UNC5C: variants seen among roughly 807,000 people sequenced by gnomAD.
The protein encoded by UNC5C is unc-5 netrin receptor C.
Under a neutral mutation model 99.8 loss-of-function variants are expected in UNC5C, and 47 were observed. The ratio of observed to expected loss-of-function variants is 0.47; its 90% CI spans 0.37 to 0.60. UNC5C has a LOEUF of 0.60. Ranked by LOEUF, UNC5C falls within the 20% of genes least tolerant of loss-of-function variation. The pLI is 0.00. For synonymous variants in UNC5C, 487 were observed against 452.2 expected (o/e 1.08, Z -0.98); for missense variants, 1,062 against 1,165.9 (o/e 0.91, Z 1.30).
At chr4:95,332,721 G>T (rs950872671) in intron 2 of UNC5C, among the ~76,000 whole-genome samples, 2 of 149,228 alleles carry the variant, frequency 1.3e-5, no homozygotes, top group African/African-American at 2.4e-5. Flanking sequence ...ATTGACAAAT[G>T]GGATCTAATT....
chr4:95,349,043 G>A (rs1369722936), intron 1 of UNC5C, among the ~76,000 whole-genome samples: 2 of 151,510 alleles, frequency 1.3e-5, no homozygotes, highest in Non-Finnish European at 2.9e-5. Flanking sequence ...AAATGTATAA[G>A]ATCTAGTATT....
chr4:95,434,091 T>C (rs1055600370), intron 1 of UNC5C, among the ~76,000 whole-genome samples: 3 of 152,154 alleles, frequency 2.0e-5, no homozygotes, highest in Non-Finnish European at 2.9e-5. Flanking sequence ...TTGTTTAATG[T>C]CTGTGTGCTT....
chr4:95,486,162 C>T (rs1721322560), intron 1 of UNC5C, among the ~76,000 whole-genome samples: 1 of 151,578 alleles, frequency 6.6e-6, no homozygotes, highest in African/African-American at 2.4e-5. Flanking sequence ...TAAAATAAAA[C>T]ATATATTTTT....
intron 1 of UNC5C, among the ~76,000 whole-genome samples, chr4:95,415,705 T>G (rs1746142908): frequency 1.3e-5 from 2 of 152,120 alleles, no homozygotes; most frequent in African/African-American, 4.8e-5. Flanking sequence ...AACAACTTGA[T>G]GGTTAGCAAC....
chr4:95,227,041 G>A (rs1010570766), intron 7 of UNC5C, among the ~76,000 whole-genome samples: 7 of 152,068 alleles, frequency 4.6e-5, no homozygotes, highest in Non-Finnish European at 1.0e-4. Flanking sequence ...TATGAGGCTT[G>A]TTATCCCTGG....
chr4:95,454,920 A>C (rs1747386427), intron 1 of UNC5C, among the ~76,000 whole-genome samples: 1 of 152,128 alleles, frequency 6.6e-6, no homozygotes, highest in African/African-American at 2.4e-5. Flanking sequence ...TTAGATTATA[A>C]AAATTAAGTG....
At position 95,504,920 on chromosome 4, in the gene UNC5C, C is replaced by T. The variant is rs189108413; in HGVS notation, c.124+43814G>A. Reference sequence around the variant, plus strand: ...ATGATATTAATTTTTATTTTTTATACAATTGCTTTCATTAAAAAACTTCTA... The same window carrying T: ...ATGATATTAATTTTTATTTTTTATATAATTGCTTTCATTAAAAAACTTCTA... On this transcript the variant is annotated intron_variant, in intron 1 of 15. Transcript: ENST00000453304. 3.3e-5 allele frequency among the ~76,000 whole-genome samples: 5 copies of T among 151,962 alleles called. No homozygotes were observed. The South Asian group carries it at 1.0e-3, about 32-fold the overall frequency.
intron 1 of UNC5C, among the ~76,000 whole-genome samples, chr4:95,369,550 C>A (rs1324210674): frequency 6.6e-6 from 1 of 151,938 alleles, no homozygotes; most frequent in African/African-American, 2.4e-5. Flanking sequence ...AGTGAGATCG[C>A]ATCTCCAAAA....
At chr4:95,208,257 C>G (rs191255329) in intron 10 of UNC5C, among the ~76,000 whole-genome samples, 1 of 152,114 alleles carries the variant, frequency 6.6e-6, no homozygotes, top group Admixed American at 6.5e-5. Flanking sequence ...TTAGCAGGCT[C>G]CAGTTACATG....
At chr4:95,224,521 G>A (rs1166229210) in intron 7 of UNC5C, among the ~76,000 whole-genome samples, 1 of 152,156 alleles carries the variant, frequency 6.6e-6, no homozygotes, top group African/African-American at 2.4e-5. Flanking sequence ...CAAATATTAT[G>A]TAGATTTAAA....
At chr4:95,503,280 G>C (rs1385441627) in intron 1 of UNC5C, among the ~76,000 whole-genome samples, 1 of 152,050 alleles carries the variant, frequency 6.6e-6, no homozygotes, top group Non-Finnish European at 1.5e-5. Flanking sequence ...AACACAGCAA[G>C]AAGGCCCTAG....
intron 10 of UNC5C, among the ~76,000 whole-genome samples, chr4:95,210,222 AG>A (rs760733775): frequency 6.6e-6 from 1 of 152,202 alleles, no homozygotes; most frequent in Non-Finnish European, 1.5e-5. Flanking sequence ...AGGTGTCAAA[AG>A]AATTTATTAA....
At chr4:95,539,961 A>G (rs1722875109) in intron 1 of UNC5C, among the ~76,000 whole-genome samples, 1 of 151,900 alleles carries the variant, frequency 6.6e-6, no homozygotes, top group Non-Finnish European at 1.5e-5. Flanking sequence ...TAAATAAACT[A>G]TAATATTTTT....
At chr4:95,537,562 C>T (rs1258706821) in intron 1 of UNC5C, among the ~76,000 whole-genome samples, 1 of 152,066 alleles carries the variant, frequency 6.6e-6, no homozygotes, top group Non-Finnish European at 1.5e-5. Flanking sequence ...ACTTTGGATA[C>T]TAGTGTAAAT....
intron 2 of UNC5C, among the ~76,000 whole-genome samples, chr4:95,303,920 A>G (rs991104391): frequency 6.6e-6 from 1 of 152,176 alleles, no homozygotes; most frequent in African/African-American, 2.4e-5. Context: ...AGGAGAGGGT[A>G]TATTTTCTGG....
At chr4:95,357,448 T>G (rs763916166) in intron 1 of UNC5C, among the ~76,000 whole-genome samples, 1 of 152,064 alleles carries the variant, frequency 6.6e-6, no homozygotes, top group Non-Finnish European at 1.5e-5. Context: ...GCATTTTTTT[T>G]ATGCTGTTAC....
At chr4:95,286,299 C>T (rs1380728381) in intron 3 of UNC5C, among the ~76,000 whole-genome samples, 1 of 152,198 alleles carries the variant, frequency 6.6e-6, no homozygotes, top group African/African-American at 2.4e-5. Flanking sequence ...CTTGATTAAA[C>T]TGCAGATTCC....
intron 4 of UNC5C, among the ~76,000 whole-genome samples, chr4:95,263,238 T>C (rs548111470): frequency 6.6e-6 from 1 of 152,350 alleles, no homozygotes; most frequent in East Asian, 1.9e-4. Context: ...TTTTTAAAGA[T>C]GTCAAATGTT....
intron 5 of UNC5C, 85 bp from the exon 6 acceptor site, chr4:95,245,229 A>G (rs1460646813): frequency 7.3e-7 from 1 of 1,373,164 alleles, no homozygotes; most frequent in African/African-American, 1.5e-5. Context: ...CACAATATGT[A>G]AACAAAGAGT....
Sources: allele counts gnomAD v4.1 joint callset (sites outside exome capture counted in the v4.1 genomes callset), GRCh38; gene constraint gnomAD v4.1.1; transcripts MANE v1.5; gene names NCBI Gene and HGNC (gene_info 2026-07-23, HGNC 2026-07-21).